Variants in CACNA2D3 observed in about 807,000 individuals in gnomAD.
CACNA2D3 encodes calcium voltage-gated channel auxiliary subunit alpha2delta 3.
CACNA2D3 carries 60 observed loss-of-function variants against 160.6 expected under a neutral mutation model. The observed-to-expected ratio is 0.37, with a 90% CI of 0.30 to 0.46. The LOEUF (loss-of-function observed/expected upper bound fraction) is 0.46. Ranked by LOEUF, CACNA2D3 falls within the 20% of genes least tolerant of loss-of-function variation. The pLI, the probability that CACNA2D3 is intolerant of heterozygous loss-of-function variation, is 1.00. For synonymous variants in CACNA2D3, 558 were observed against 492.9 expected (o/e 1.13, Z -1.75); for missense variants, 1,205 against 1,365.0 (o/e 0.88, Z 1.85).
intron 2 of CACNA2D3, among the ~76,000 whole-genome samples, chr3:54,195,556 G>C (rs920823736): frequency 6.6e-6 from 1 of 152,186 alleles, no homozygotes; most frequent in Non-Finnish European, 1.5e-5. Context: ...TGCAGTTATA[G>C]TCCCCACTTT....
intron 2 of CACNA2D3, among the ~76,000 whole-genome samples, chr3:54,265,625 T>C (rs1050719629): frequency 2.4e-5 from 3 of 122,936 alleles, no homozygotes; most frequent in Non-Finnish European, 5.1e-5. Context: ...TATATATATA[T>C]AGTGTGTATA....
intron 11 of CACNA2D3, among the ~76,000 whole-genome samples, chr3:54,670,434 T>C (rs572936282): frequency 6.6e-6 from 1 of 152,164 alleles, no homozygotes; most frequent in Admixed American, 6.5e-5. Context: ...TGGACCATAA[T>C]GAATCTTTCT....
At chr3:54,585,946 C>T (rs1031219500) in intron 9 of CACNA2D3, among the ~76,000 whole-genome samples, 8 of 152,062 alleles carry the variant, frequency 5.3e-5, no homozygotes, top group East Asian at 1.9e-4. Flanking sequence ...ATGATCCAAC[C>T]GTATGACCAT....
chr3:54,669,812 G>A (rs1295511028), intron 11 of CACNA2D3, among the ~76,000 whole-genome samples: 1 of 151,634 alleles, frequency 6.6e-6, no homozygotes, highest in East Asian at 1.9e-4. Flanking sequence ...TATGAGACTG[G>A]CTAATTTTTA....
At position 54,570,053 on chromosome 3, in the gene CACNA2D3, C is replaced by G; in HGVS notation, c.837C>G (p.Val279=). The G allele has an allele frequency of 1.9e-6, 3 of 1,614,014 alleles. No homozygotes were observed. The highest frequency in any genetic ancestry group is 1.6e-4 in the Middle Eastern group (1 of 6,062). The change falls in exon 8 of 38, where the codon GTC becomes GTG. Residue 279 remains valine, a synonymous_variant. Transcript: ENST00000474759. The part of the protein sequence containing the change: ...GLRLTIAKQT[V]SSILDTLGDD... ...GTCTGACTATCGCGAAGCAAACAGT[C>G]TCATCCATTTTGGATACACTTGGGG...
chr3:54,301,024 TA>T (rs1213981929), intron 2 of CACNA2D3, among the ~76,000 whole-genome samples: 366 of 139,842 alleles, frequency 2.6e-3, no homozygotes, highest in African/African-American at 3.6e-3. Context: ...TGTGTCCCTT[TA>T]AAAAAAAAAA....
chr3:54,873,269 C>T (rs1417296931), intron 18 of CACNA2D3, among the ~76,000 whole-genome samples: 2 of 152,100 alleles, frequency 1.3e-5, no homozygotes, highest in Non-Finnish European at 2.9e-5. Context: ...CTGACCTCCT[C>T]AGTCCTCAGG....
chr3:54,933,317 A>T (rs1426543420), intron 27 of CACNA2D3, among the ~76,000 whole-genome samples: 15 of 152,230 alleles, frequency 9.9e-5, no homozygotes, highest in Non-Finnish European at 1.5e-4. Flanking sequence ...GTTTAACAGA[A>T]TAGCTCATTT....
At chr3:54,968,413 A>G (rs777720994) in intron 27 of CACNA2D3, 37 bp from the exon 28 acceptor site, 2 of 1,366,656 alleles carry the variant, frequency 1.5e-6, no homozygotes, top group South Asian at 2.4e-5. Flanking sequence ...GTGTAAAGGG[A>G]TCACTAATGC....
chr3:54,487,923 G>A (rs1161920596), intron 4 of CACNA2D3, among the ~76,000 whole-genome samples: 1 of 152,174 alleles, frequency 6.6e-6, no homozygotes, highest in Non-Finnish European at 1.5e-5. Flanking sequence ...ATCATACAAA[G>A]TGCTGTTGGA....
At chr3:54,956,358 T>A (rs1701892511) in intron 27 of CACNA2D3, among the ~76,000 whole-genome samples, 1 of 152,222 alleles carries the variant, frequency 6.6e-6, no homozygotes, top group African/African-American at 2.4e-5. Flanking sequence ...GATGGTCTTG[T>A]TGACCCACCA....
At chr3:54,647,762 T>C (rs746108954) in intron 11 of CACNA2D3, among the ~76,000 whole-genome samples, 10 of 152,226 alleles carry the variant, frequency 6.6e-5, no homozygotes, top group Non-Finnish European at 1.3e-4. Flanking sequence ...GAATGCATTA[T>C]TGGTGATTTT....
chr3:54,813,465 G>A lies in CACNA2D3; in HGVS notation c.1381-3388G>A, dbSNP rs115684387. 4.4e-3 allele frequency among the ~76,000 whole-genome samples: 665 copies of A among 152,238 alleles called. 5 individuals carry two copies. Among genetic ancestry groups the A allele is most frequent in the Middle Eastern group, 6.8e-3 (2 of 294 alleles). ...GACAGACATCTATACCAGGCATGTG[G>A]GAATGTGAGTTTCAAATCTATTCCT... On this transcript the variant is annotated intron_variant, in intron 13 of 37. Coordinates refer to ENST00000474759, the MANE Select transcript of CACNA2D3 (RefSeq NM_018398.3).
At chr3:54,417,724 T>C (rs1458507834) in intron 4 of CACNA2D3, among the ~76,000 whole-genome samples, 1 of 150,184 alleles carries the variant, frequency 6.7e-6, no homozygotes, top group Non-Finnish European at 1.5e-5. Context: ...ACACAGATCC[T>C]GCAAATAATT....
At chr3:54,736,100 CATATATATGTATATAT>C (rs1254075334) in intron 11 of CACNA2D3, among the ~76,000 whole-genome samples, 13,153 of 46,468 alleles carry the variant, frequency 0.28, 3,466 homozygotes, top group Non-Finnish European at 0.34. Context: ...TATATATATA[CATATATATGTATATAT>C]ATACATATAT....
At chr3:54,677,145 C>T (rs946316258) in intron 11 of CACNA2D3, among the ~76,000 whole-genome samples, 3 of 152,016 alleles carry the variant, frequency 2.0e-5, no homozygotes, top group African/African-American at 7.2e-5. Flanking sequence ...TTTTTTTGTG[C>T]CCCCCAAATA....
intron 11 of CACNA2D3, among the ~76,000 whole-genome samples, chr3:54,714,826 G>T (rs779377381): frequency 8.5e-5 from 13 of 152,202 alleles, no homozygotes; most frequent in Non-Finnish European, 1.8e-4. Context: ...AACCATCTGA[G>T]TGTCCATCAA....
chr3:54,898,768 A>G (rs1305424787), intron 26 of CACNA2D3, among the ~76,000 whole-genome samples: 1 of 152,192 alleles, frequency 6.6e-6, no homozygotes, highest in Admixed American at 6.5e-5. Context: ...CAAACTTTCA[A>G]TGTAATGGTA....
chr3:55,065,446 C>T (rs1704612754), intron 35 of CACNA2D3, among the ~76,000 whole-genome samples: 1 of 152,194 alleles, frequency 6.6e-6, no homozygotes, highest in South Asian at 2.1e-4. Flanking sequence ...GCCATGTGAA[C>T]ACTGGTCAGG....
Sources: allele counts gnomAD v4.1 joint callset (sites outside exome capture counted in the v4.1 genomes callset), GRCh38; gene constraint gnomAD v4.1.1; transcripts MANE v1.5; gene names NCBI Gene and HGNC (gene_info 2026-07-23, HGNC 2026-07-21).